Variants in ESR1 observed in about 807,000 individuals in gnomAD.
ESR1 encodes estrogen receptor 1, also known as estrogen receptor.
Under a neutral mutation model 52.7 loss-of-function variants are expected in ESR1, and 12 were observed. That is an observed-to-expected ratio of 0.23 (90% confidence interval 0.15 to 0.37). ESR1 has a LOEUF of 0.37. ESR1 is among the 10% of genes least tolerant of loss of function. ESR1 has a pLI of 1.00. For missense variants in ESR1, 584 were observed against 779.7 expected (o/e 0.75, Z 2.99); for synonymous variants, 305 against 316.8 (o/e 0.96, Z 0.39).
intron 2 of ESR1, among the ~76,000 whole-genome samples, chr6:151,757,666 C>G (rs1477334504): frequency 6.6e-6 from 1 of 152,198 alleles, no homozygotes; most frequent in Non-Finnish European, 1.5e-5. Flanking sequence ...GAAGTTCTCG[C>G]TTGGACCCCT....
intron 6 of ESR1, among the ~76,000 whole-genome samples, chr6:152,112,259 C>T (rs2152513842): frequency 6.6e-6 from 1 of 152,308 alleles, no homozygotes; most frequent in African/African-American, 2.4e-5. Flanking sequence ...AATGGAAAGG[C>T]AATGTCAGAG....
chr6:151,796,165 CAA>C (rs546866561), intron 2 of ESR1, among the ~76,000 whole-genome samples: 10 of 79,004 alleles, frequency 1.3e-4, no homozygotes, highest in Admixed American at 1.5e-4. Flanking sequence ...GACTCCGTCT[CAA>C]AAAAAAAAAA....
intron 2 of ESR1, among the ~76,000 whole-genome samples, chr6:151,740,170 G>C (rs1411548462): frequency 6.6e-6 from 1 of 151,840 alleles, no homozygotes; most frequent in African/African-American, 2.4e-5. Context: ...CCAGCCTGGA[G>C]TGCAGTGGTG....
chr6:152,005,045 A>T (rs2042228659), intron 4 of ESR1, among the ~76,000 whole-genome samples: 2 of 151,998 alleles, frequency 1.3e-5, no homozygotes, highest in African/African-American at 4.8e-5. Flanking sequence ...TCCCAAGGCA[A>T]GTAGTCACTA....
rs571738966 is a variant in ESR1, at chr6:152,001,157, G to A, written c.1097-10499G>A. On this transcript the variant is annotated intron_variant, in intron 4 of 7. Coordinates refer to ENST00000206249, the MANE Select transcript of ESR1 (RefSeq NM_000125.4). ...TCTTACAGGGTGGCCTGGTGTCTTA[G>A]TCTATTTTCTGTTCCTATAATAGAA... 2.0e-5 allele frequency among the ~76,000 whole-genome samples: 3 copies of A among 152,074 alleles called. No homozygotes were observed. In the East Asian group the frequency reaches 5.8e-4, roughly 30 times the overall value.
intron 6 of ESR1, among the ~76,000 whole-genome samples, chr6:152,075,860 C>T (rs1260085294): frequency 1.3e-5 from 2 of 152,174 alleles, no homozygotes; most frequent in East Asian, 3.9e-4. Context: ...ATAGGTGTTT[C>T]ATGATGTTTT....
At chr6:151,803,460 T>C (rs1777459201), upstream of ESR1, among the ~76,000 whole-genome samples, 1 of 152,168 alleles carries the variant, frequency 6.6e-6, no homozygotes, top group Non-Finnish European at 1.5e-5. Flanking sequence ...TTTGCTTGGC[T>C]GAAGCATAGG....
intron 4 of ESR1, among the ~76,000 whole-genome samples, chr6:151,978,145 C>T (rs1315407200): frequency 3.3e-5 from 5 of 151,938 alleles, no homozygotes; most frequent in Non-Finnish European, 7.4e-5. Context: ...TGCACAAAGT[C>T]AACAGCTGAA....
chr6:152,026,014 G>A (rs979525074), intron 5 of ESR1, among the ~76,000 whole-genome samples: 5 of 151,884 alleles, frequency 3.3e-5, no homozygotes, highest in Admixed American at 2.0e-4. Flanking sequence ...GGTTGGATGG[G>A]CATTTTGTTT....
In ESR1 at chr6:152,102,561, C is replaced by G. The variant is rs1412009327; in HGVS notation, c.*3595C>G. ...CAAGTTAATCCCCTGAAAACTTACT[C>G]TCAACTGGAGCAAATGAACTTTGGT... is the stretch of plus-strand genomic sequence containing the variant. On this transcript the variant is annotated 3_prime_UTR_variant, in exon 8 of 8. Coordinates refer to ENST00000206249, the MANE Select transcript of ESR1 (RefSeq NM_000125.4). 1.4e-5 allele frequency: 3 copies of G among 217,082 alleles called. No homozygotes were observed. The highest frequency in any genetic ancestry group is 2.8e-5 in the Non-Finnish European group (3 of 107,860). The allele number at this position is 217,082 out of a possible 1,614,324, so 13.4% of individuals were successfully genotyped here. A position where few individuals can be genotyped will look rare whatever the true frequency, so the allele number is the denominator to read the frequency against.
chr6:151,957,181 T>A lies in ESR1; in HGVS notation c.1096+12673T>A, dbSNP rs527322631. On this transcript the variant is annotated intron_variant, in intron 4 of 7. Coordinates refer to ENST00000206249, the MANE Select transcript of ESR1 (RefSeq NM_000125.4). ...TGTGAACCACCACGTGCGACCCACA[T>A]GTCTGTATATTACAGCCGTTGAAGG... 4.7e-4 allele frequency among the ~76,000 whole-genome samples: 72 copies of A among 152,202 alleles called. 1 individual carries two copies. The highest frequency in any genetic ancestry group is 1.7e-3 in the African/African-American group (71 of 41,516).
intron 2 of ESR1, among the ~76,000 whole-genome samples, chr6:151,756,566 G>A (rs1335474172): frequency 6.6e-6 from 1 of 152,196 alleles, no homozygotes; most frequent in Non-Finnish European, 1.5e-5. Flanking sequence ...TAGAATATAA[G>A]CTCTATGAGG....
intron 2 of ESR1, among the ~76,000 whole-genome samples, chr6:151,753,449 C>T (rs1040229814): frequency 1.3e-5 from 2 of 151,984 alleles, no homozygotes; most frequent in African/African-American, 4.8e-5. Flanking sequence ...TCCTGAGTAG[C>T]TGGGAATACA....
At chr6:151,775,825 A>C (rs1785937828) in intron 2 of ESR1, among the ~76,000 whole-genome samples, 1 of 152,184 alleles carries the variant, frequency 6.6e-6, no homozygotes, top group Non-Finnish European at 1.5e-5. Flanking sequence ...GAGAAGCAGA[A>C]TCTACAGAAG....
At chr6:151,663,124 C>T (rs1456725006) in intron 1 of ESR1, among the ~76,000 whole-genome samples, 1 of 152,164 alleles carries the variant, frequency 6.6e-6, no homozygotes, top group Non-Finnish European at 1.5e-5. Context: ...TGAGCCTCAG[C>T]TTTCTTTTTG....
chr6:151,812,968 C>CAA (rs34387307), intron 1 of ESR1, among the ~76,000 whole-genome samples: 2,608 of 142,116 alleles, frequency 0.018, 45 homozygotes, highest in African/African-American at 0.042. Flanking sequence ...ATGTCACTTA[C>CAA]AAAAAAAAAA....
chr6:151,815,791 T>C (rs886894561), intron 1 of ESR1, among the ~76,000 whole-genome samples: 3 of 152,338 alleles, frequency 2.0e-5, no homozygotes, highest in Middle Eastern at 3.4e-3. Flanking sequence ...TTGAGTTATA[T>C]GACGTATATG....
Position 152,099,318 on chromosome 6 carries a change from T to C in ESR1, c.*352T>C, listed in dbSNP as rs190565791. On this transcript the variant is annotated 3_prime_UTR_variant, in exon 8 of 8. Transcript: ENST00000206249. ...TAAGCTACTTGTAGAGACCCAGGCC[T>C]GGAGAGTAGACATTTTGCCTCTGAT... 341 of 412,068 alleles carry C rather than the reference T, an allele frequency of 8.3e-4. 2 individuals carry two copies. The highest frequency in any genetic ancestry group is 8.7e-4 in the Non-Finnish European group (192 of 221,538). The allele number at this position is 412,068 out of a possible 1,614,324, so 25.5% of individuals were successfully genotyped here.
intron 1 of ESR1, among the ~76,000 whole-genome samples, chr6:151,679,356 T>G (rs1778371211): frequency 6.6e-6 from 1 of 152,132 alleles, no homozygotes; most frequent in South Asian, 2.1e-4. Flanking sequence ...TTAGCTTTAT[T>G]TATTTATTTT....
Sources: allele counts gnomAD v4.1 joint callset (sites outside exome capture counted in the v4.1 genomes callset), GRCh38; gene constraint gnomAD v4.1.1; transcripts MANE v1.5; gene names NCBI Gene and HGNC (gene_info 2026-07-23, HGNC 2026-07-21).